The following UQCRH variants were observed in gnomAD, a reference collection of about 807,000 sequenced individuals.
UQCRH encodes the protein ubiquinol-cytochrome c reductase hinge protein, also known as cytochrome b-c1 complex subunit 6, mitochondrial.
UQCRH carries 14 observed loss-of-function variants against 16.3 expected under a neutral mutation model. The observed-to-expected ratio is 0.86, with a 90% CI of 0.57 to 1.34. UQCRH has a LOEUF of 1.34. UQCRH is among the 40% of genes most tolerant of loss of function. The probability of loss-of-function intolerance (pLI) is 0.00; values close to 1 mark genes in which losing one functional copy is unlikely to be tolerated. For synonymous variants in UQCRH, 41 were observed against 41.9 expected, an observed-to-expected ratio of 0.98 and a Z score of 0.08; for missense variants, 89 against 111.9, an observed-to-expected ratio of 0.80 and a Z score of 0.92.
intron 1 of UQCRH, among the ~76,000 whole-genome samples, chr1:46,308,166 T>C (rs558142821): frequency 6.6e-6 from 1 of 152,324 alleles, no homozygotes; most frequent in Non-Finnish European, 1.5e-5. Context: ...TCTTGAAATA[T>C]ACCTGGGATT....
chr1:46,311,662 G>A (rs1661479364), intron 3 of UQCRH, among the ~76,000 whole-genome samples: 1 of 150,204 alleles, frequency 6.7e-6, no homozygotes, highest in African/African-American at 2.4e-5. Context: ...GCGCGATCTC[G>A]GCTCACTGCA....
chr1:46,316,471 C>T (rs1661587995), intron 3 of UQCRH, 81 bp from the exon 4 acceptor site: 1 of 1,588,336 alleles, frequency 6.3e-7, no homozygotes, highest in Non-Finnish European at 8.6e-7. Context: ...AGGGGCAGTA[C>T]TGTTTCAGGT....
chr1:46,310,239 C>T lies in UQCRH; in HGVS notation c.166C>T (p.Arg56Cys), dbSNP rs750228344. 10 of 1,614,036 alleles carry T rather than the reference C, an allele frequency of 6.2e-6. No individual in the cohort carries two copies. Among genetic ancestry groups the T allele is most frequent in the East Asian group, 2.2e-5 (1 of 44,896 alleles). ...GGAGCGGCTAGAGCTCTGTGATGAG[C>T]GTGTATCCTCTCGATCACATACAGA... ...ARERLELCDERVSSRSHTEED... is the reference protein window; with the variant it reads ...ARERLELCDECVSSRSHTEED... The change falls in exon 3 of 4, where the codon CGT becomes TGT. Residue 56 changes from arginine to cysteine, a missense_variant. Coordinates refer to ENST00000311672, the MANE Select transcript of UQCRH (RefSeq NM_006004.4).
At position 46,316,667 on chromosome 1, in the gene UQCRH, T is replaced by C; in HGVS notation, c.*83T>C. The C allele has an allele frequency of 1.3e-6, 2 of 1,591,424 alleles. No individual in the cohort carries two copies. The highest frequency in any genetic ancestry group is 2.7e-5 in the African/African-American group (2 of 73,922). On this transcript the variant is annotated 3_prime_UTR_variant, in exon 4 of 4. Transcript: ENST00000311672. Reference sequence around the variant, plus strand: ...TGGTTTTGGATGTACCATTTGTTTCTTATTTGTGTAACTGTAAGTTCACAT... The same window carrying C: ...TGGTTTTGGATGTACCATTTGTTTCCTATTTGTGTAACTGTAAGTTCACAT...
At chr1:46,311,087 A>AAT (rs1557725036) in intron 3 of UQCRH, among the ~76,000 whole-genome samples, 10 of 144,390 alleles carry the variant, frequency 6.9e-5, no homozygotes, top group South Asian at 2.2e-4. Context: ...AAAAAAAAAA[A>AAT]AATAATAATA....
intron 3 of UQCRH, among the ~76,000 whole-genome samples, chr1:46,313,505 T>C (rs1014400258): frequency 3.3e-5 from 5 of 152,138 alleles, no homozygotes; most frequent in Admixed American, 2.6e-4. Flanking sequence ...GGCGGGCGCC[T>C]GTAGTCCCAG....
At chr1:46,310,930 G>A (rs954331615) in intron 3 of UQCRH, among the ~76,000 whole-genome samples, 1 of 151,972 alleles carries the variant, frequency 6.6e-6, no homozygotes, top group Non-Finnish European at 1.5e-5. Context: ...AGCTGGGCGC[G>A]GTGGCGGGCG....
chr1:46,306,394 T>G (rs1661374718), intron 1 of UQCRH, among the ~76,000 whole-genome samples: 1 of 150,256 alleles, frequency 6.7e-6, no homozygotes, highest in Non-Finnish European at 1.5e-5. Flanking sequence ...TTTTTTTTTT[T>G]TTTTTGTGAC....
At chr1:46,307,330 C>T (rs1176434528) in intron 1 of UQCRH, among the ~76,000 whole-genome samples, 3 of 152,178 alleles carry the variant, frequency 2.0e-5, no homozygotes, top group Non-Finnish European at 2.9e-5. Context: ...CAGGTGTGAA[C>T]CACTATGCCC....
At chr1:46,315,694 C>T (rs1661571543) in intron 3 of UQCRH, among the ~76,000 whole-genome samples, 1 of 150,346 alleles carries the variant, frequency 6.7e-6, no homozygotes, top group African/African-American at 2.4e-5. Context: ...AAAATAAGTA[C>T]TGAACATGCT....
intron 3 of UQCRH, among the ~76,000 whole-genome samples, chr1:46,316,035 C>T (rs1462393027): frequency 6.6e-6 from 1 of 152,190 alleles, no homozygotes; most frequent in Non-Finnish European, 1.5e-5. Context: ...GTATACCTTT[C>T]TCAGGGTAAT....
Position 46,309,559 on chromosome 1 carries a change from A to G in UQCRH, c.81+432A>G, listed in dbSNP as rs1661429835. On this transcript the variant is annotated intron_variant, in intron 2 of 3. Coordinates refer to ENST00000311672, the MANE Select transcript of UQCRH (RefSeq NM_006004.4). Reference sequence around the variant, plus strand: ...GTGGCACATGCCTGTAATCCCAGCTACTCGAGAGGCTGAGGCAGGAGAATT... The same window carrying G: ...GTGGCACATGCCTGTAATCCCAGCTGCTCGAGAGGCTGAGGCAGGAGAATT... 4 of 182,802 alleles carry G rather than the reference A, an allele frequency of 2.2e-5. No individual in the cohort carries two copies. In the South Asian group the frequency reaches 4.7e-4, roughly 21 times the overall value. The allele number at this position is 182,802 out of a possible 1,614,324, so 11.3% of individuals were successfully genotyped here.
At chr1:46,313,871 AATTAAAC>A (rs976338804) in intron 3 of UQCRH, among the ~76,000 whole-genome samples, 71 of 152,176 alleles carry the variant, frequency 4.7e-4, no homozygotes, top group African/African-American at 1.7e-3. Context: ...TTTTCTCAAA[AATTAAAC>A]ATAGAATTAT....
intron 1 of UQCRH, among the ~76,000 whole-genome samples, chr1:46,306,907 CG>C (rs1272492733): frequency 1.3e-5 from 2 of 152,000 alleles, no homozygotes; most frequent in East Asian, 1.9e-4. Flanking sequence ...TTTTTGGAGA[CG>C]GGGTCTCACT....
intron 3 of UQCRH, among the ~76,000 whole-genome samples, chr1:46,310,657 G>T (rs1005737307): frequency 2.0e-5 from 3 of 152,022 alleles, no homozygotes; most frequent in Non-Finnish European, 4.4e-5. Context: ...TTCTAGTGAC[G>T]GGGCCTTGTT....
At chr1:46,306,404 C>T (rs1474457924) in intron 1 of UQCRH, among the ~76,000 whole-genome samples, 2 of 110,586 alleles carry the variant, frequency 1.8e-5, no homozygotes, top group East Asian at 2.3e-4. Flanking sequence ...TTTTTTGTGA[C>T]GGAGTCTCGC....
At chr1:46,316,480 G>A in intron 3 of UQCRH, 72 bp from the exon 4 acceptor site, 1 of 1,604,750 alleles carries the variant, frequency 6.2e-7, no homozygotes, top group Non-Finnish European at 8.5e-7. Context: ...ACTGTTTCAG[G>A]TCTTGAAGGA....
intron 1 of UQCRH, among the ~76,000 whole-genome samples, chr1:46,305,468 TGGGAGGCCGAGGCGGGTGGATC>T (rs367814751): frequency 0.64 from 94,365 of 147,376 alleles, 30,704 homozygotes; most frequent in East Asian, 0.8. Flanking sequence ...CCCAGCACTT[TGGGAGGCCGAGGCGGGTGGATC>T]GGGAGGCCGA....
intron 3 of UQCRH, among the ~76,000 whole-genome samples, chr1:46,310,875 G>C (rs1006121945): frequency 6.6e-6 from 1 of 151,818 alleles, no homozygotes; most frequent in Non-Finnish European, 1.5e-5. Context: ...AGACCATCCT[G>C]GCTAACAAGG....
Sources: gnomAD v4.1 joint callset for allele counts (sites outside exome capture counted in the v4.1 genomes callset) on GRCh38, gnomAD v4.1.1 for gene constraint, MANE v1.5 for transcripts, NCBI Gene and HGNC (gene_info 2026-07-23, HGNC 2026-07-21) for gene names.